ATP8B1: variants seen among roughly 807,000 people sequenced by gnomAD.
ATP8B1 encodes phospholipid-transporting ATPase IC.
In ATP8B1, 80 loss-of-function variants were observed where a neutral mutation model predicts 149.9. That is an observed-to-expected ratio of 0.53 (90% CI 0.45 to 0.64). ATP8B1 has a LOEUF of 0.64. Among genes scored for constraint, ATP8B1 ranks in the 30% least tolerant of loss-of-function variants. The pLI, the probability that ATP8B1 is intolerant of heterozygous loss-of-function variation, is 0.00. For missense variants in ATP8B1, 1,247 were observed against 1,552.6 expected, an observed-to-expected ratio of 0.80 and a Z score of 3.31; for synonymous variants, 536 against 562.8, an observed-to-expected ratio of 0.95 and a Z score of 0.67.
At chr18:57,667,878 C>A in intron 19 of ATP8B1, 1 of 258,390 alleles carries the variant, frequency 3.9e-6, no homozygotes, top group Non-Finnish European at 7.6e-6. Flanking sequence ...AGTGTGTAAC[C>A]CGTTGACGAT....
At chr18:57,773,568 G>C (rs1207681790) in intron 1 of ATP8B1, among the ~76,000 whole-genome samples, 1 of 152,192 alleles carries the variant, frequency 6.6e-6, no homozygotes, top group Non-Finnish European at 1.5e-5. Context: ...TTCAAGAAGA[G>C]GGTGGTTCCC....
At chr18:57,758,602 C>T (rs986662246) in intron 1 of ATP8B1, among the ~76,000 whole-genome samples, 2 of 140,400 alleles carry the variant, frequency 1.4e-5, no homozygotes, top group East Asian at 4.2e-4. Flanking sequence ...GAGCCAAGAT[C>T]GTGCTATTGC....
intron 2 of ATP8B1, among the ~76,000 whole-genome samples, chr18:57,726,243 C>CAAAAACA (rs2079706793): frequency 7.6e-6 from 1 of 131,378 alleles, no homozygotes; most frequent in Admixed American, 7.7e-5. Context: ...AAACAAACAA[C>CAAAAACA]AACAACAAAA....
intron 1 of ATP8B1, among the ~76,000 whole-genome samples, chr18:57,748,976 G>T (rs1460153835): frequency 6.6e-6 from 1 of 152,066 alleles, no homozygotes; most frequent in Non-Finnish European, 1.5e-5. Flanking sequence ...TAAGAGAAAA[G>T]GTACACCTAT....
intron 1 of ATP8B1, chr18:57,736,992 A>C (rs1425845264): frequency 1.3e-5 from 2 of 152,194 alleles, no homozygotes; most frequent in African/African-American, 4.8e-5. Context: ...TATGTACATA[A>C]AATTTACCAT....
intron 1 of ATP8B1, among the ~76,000 whole-genome samples, chr18:57,764,487 C>T (rs1467725322): frequency 2.7e-5 from 4 of 150,204 alleles, no homozygotes; most frequent in Non-Finnish European, 4.4e-5. Context: ...GGTGTGATCT[C>T]GGCTCACTGC....
chr18:57,704,214 C>T (rs1291710680), intron 4 of ATP8B1, among the ~76,000 whole-genome samples: 2 of 152,146 alleles, frequency 1.3e-5, no homozygotes, highest in African/African-American at 4.8e-5. Flanking sequence ...GTGATCCACC[C>T]GCCTCGGCCT....
At chr18:57,794,225 G>A (rs1417214059) in intron 1 of ATP8B1, among the ~76,000 whole-genome samples, 1 of 152,022 alleles carries the variant, frequency 6.6e-6, no homozygotes, top group Non-Finnish European at 1.5e-5. Flanking sequence ...AATTTTCAGG[G>A]CACAGTGTGA....
intron 10 of ATP8B1, among the ~76,000 whole-genome samples, chr18:57,694,882 T>C (rs983676773): frequency 6.6e-6 from 1 of 151,826 alleles, no homozygotes; most frequent in African/African-American, 2.4e-5. Flanking sequence ...ATACAAAAAT[T>C]ATCTGGGCAT....
chr18:57,710,031 A>G (rs1450586001), intron 2 of ATP8B1, among the ~76,000 whole-genome samples: 1 of 145,956 alleles, frequency 6.9e-6, no homozygotes, highest in South Asian at 2.1e-4. Context: ...GAGTCTCACT[A>G]TGTTGCCCAG....
intron 1 of ATP8B1, among the ~76,000 whole-genome samples, chr18:57,755,838 A>G (rs1024317121): frequency 2.0e-5 from 3 of 152,182 alleles, no homozygotes; most frequent in Admixed American, 6.5e-5. Context: ...ATCCCCAGCC[A>G]TAACATAATT....
At chr18:57,761,311 C>A (rs1420285253) in intron 1 of ATP8B1, among the ~76,000 whole-genome samples, 1 of 152,064 alleles carries the variant, frequency 6.6e-6, no homozygotes, top group African/African-American at 2.4e-5. Flanking sequence ...ATGCAGTGGC[C>A]TCTCTGAAGA....
At chr18:57,710,729 G>T (rs184986235) in intron 2 of ATP8B1, among the ~76,000 whole-genome samples, 39 of 152,284 alleles carry the variant, frequency 2.6e-4, no homozygotes, top group African/African-American at 9.1e-4. Context: ...CCGTCTCCTG[G>T]GTTCAAGAGA....
At chr18:57,708,470 A>C (rs1183965863) in intron 2 of ATP8B1, 2 of 152,220 alleles carry the variant, frequency 1.3e-5, no homozygotes, top group African/African-American at 4.8e-5. Flanking sequence ...CAAAGTAGGT[A>C]GATAAGACCT....
intron 1 of ATP8B1, among the ~76,000 whole-genome samples, chr18:57,736,340 A>G (rs953939682): frequency 5.3e-5 from 8 of 150,454 alleles, no homozygotes; most frequent in African/African-American, 1.5e-4. Flanking sequence ...CTATTTGTCT[A>G]TTTTTGTTGT....
intron 13 of ATP8B1, 145 bp from the exon 14 acceptor site, chr18:57,685,260 A>G (rs1038722670): frequency 3.3e-5 from 30 of 906,440 alleles, no homozygotes; most frequent in Non-Finnish European, 4.0e-5. Flanking sequence ...CACTTTACAG[A>G]AAACGTTAGA....
chr18:57,671,441 T>C, intron 17 of ATP8B1, 27 bp downstream of exon 17: 1 of 1,549,350 alleles, frequency 6.5e-7, no homozygotes. Context: ...CAGAATCCCT[T>C]GCAGAAAGAA....
chr18:57,794,103 C>T (rs962996065), intron 1 of ATP8B1, among the ~76,000 whole-genome samples: 4 of 152,104 alleles, frequency 2.6e-5, no homozygotes, highest in African/African-American at 4.8e-5. Flanking sequence ...TGGGTGGACA[C>T]GTAGGGATAG....
At position 57,682,242 on chromosome 18, in the gene ATP8B1, G is replaced by A. The variant is rs140950649; in HGVS notation, c.1630+1794C>T. ...GCTGGTTTTGAACTCCTGACCTCAT[G>A]ATCTGCCCGCCTCGGCCTCCCAAAG... On this transcript the variant is annotated intron_variant, in intron 15 of 27. Transcript: ENST00000648908. Among the ~76,000 whole-genome samples, 1,010 of 152,270 alleles carry A rather than the reference G, an allele frequency of 6.6e-3. 8 individuals carry two copies. Among genetic ancestry groups the A allele is most frequent in the African/African-American group, 0.022 (900 of 41,562 alleles).
Sources: gnomAD v4.1 joint callset for allele counts (sites outside exome capture counted in the v4.1 genomes callset) on GRCh38, gnomAD v4.1.1 for gene constraint, MANE v1.5 for transcripts, NCBI Gene and HGNC (gene_info 2026-07-23, HGNC 2026-07-21) for gene names.